LRRC4C: variants seen among roughly 807,000 people sequenced by gnomAD.
LRRC4C encodes leucine rich repeat containing 4C, also known as leucine-rich repeat-containing protein 4C.
LRRC4C carries 5 observed loss-of-function variants against 33.6 expected under a neutral mutation model. That is an observed-to-expected ratio of 0.15 (90% CI 0.08 to 0.31). The LOEUF is 0.31. LRRC4C is among the 10% of genes least tolerant of loss of function. The pLI is 1.00. For synonymous variants in LRRC4C, 329 were observed against 302.0 expected, an observed-to-expected ratio of 1.09 and a Z score of -0.93; for missense variants, 560 against 796.7, an observed-to-expected ratio of 0.70 and a Z score of 3.58.
chr11:40,526,235 G>C (rs1018347653), intron 3 of LRRC4C, among the ~76,000 whole-genome samples: 2 of 152,078 alleles, frequency 1.3e-5, no homozygotes, highest in African/African-American at 4.8e-5. Context: ...TGATAAATCA[G>C]ACTACATTAA....
intron 3 of LRRC4C, among the ~76,000 whole-genome samples, chr11:40,388,486 A>G (rs934859984): frequency 6.6e-6 from 1 of 152,110 alleles, no homozygotes; most frequent in Non-Finnish European, 1.5e-5. Flanking sequence ...GCCCTTCCCA[A>G]ACCTTACAAA....
intron 2 of LRRC4C, among the ~76,000 whole-genome samples, chr11:40,915,509 C>G (rs1956916252): frequency 6.6e-6 from 1 of 152,286 alleles, no homozygotes; most frequent in East Asian, 1.9e-4. Context: ...AAAGCTGAAA[C>G]TGGATCCCTT....
intron 3 of LRRC4C, among the ~76,000 whole-genome samples, chr11:40,560,530 T>A (rs1044251405): frequency 6.6e-6 from 1 of 152,094 alleles, no homozygotes; most frequent in Non-Finnish European, 1.5e-5. Context: ...TTTCCCACTT[T>A]ATTTGCGTGA....
chr11:41,072,794 T>C (rs1250745558), intron 1 of LRRC4C, among the ~76,000 whole-genome samples: 1 of 152,196 alleles, frequency 6.6e-6, no homozygotes, highest in Non-Finnish European at 1.5e-5. Flanking sequence ...CTCCACAGCC[T>C]CAATTTTTCT....
chr11:40,173,924 A>T (rs1860256420), intron 5 of LRRC4C, among the ~76,000 whole-genome samples: 1 of 152,132 alleles, frequency 6.6e-6, no homozygotes, highest in African/African-American at 2.4e-5. Flanking sequence ...TATTGTAGTT[A>T]AAAAAGTATA....
At chr11:40,463,224 G>C (rs180750643) in intron 3 of LRRC4C, among the ~76,000 whole-genome samples, 2 of 152,060 alleles carry the variant, frequency 1.3e-5, no homozygotes, top group East Asian at 3.9e-4. Flanking sequence ...TAGAGGCATA[G>C]AAGTACAGAA....
intron 2 of LRRC4C, among the ~76,000 whole-genome samples, chr11:40,674,369 C>T (rs933486488): frequency 6.6e-6 from 1 of 152,150 alleles, no homozygotes. Context: ...TTAGCCTTTC[C>T]TGCTTTGCAT....
chr11:40,881,877 G>T (rs754374929), intron 2 of LRRC4C, among the ~76,000 whole-genome samples: 8 of 151,906 alleles, frequency 5.3e-5, no homozygotes, highest in Non-Finnish European at 1.2e-4. Flanking sequence ...AAATCTTATT[G>T]AACATGAGCA....
At chr11:40,836,686 G>A (rs754341197) in intron 2 of LRRC4C, among the ~76,000 whole-genome samples, 12 of 152,086 alleles carry the variant, frequency 7.9e-5, no homozygotes, top group Non-Finnish European at 1.5e-4. Context: ...TTGACTCAAC[G>A]TCGATGTTTA....
At chr11:40,466,081 C>T (rs1185960136) in intron 3 of LRRC4C, among the ~76,000 whole-genome samples, 3 of 151,886 alleles carry the variant, frequency 2.0e-5, no homozygotes, top group Non-Finnish European at 4.4e-5. Context: ...TAATATTAGC[C>T]ATAAAAAAGA....
chr11:40,650,122 A>ATATCT (rs1466221153), intron 2 of LRRC4C, among the ~76,000 whole-genome samples: 6 of 152,194 alleles, frequency 3.9e-5, no homozygotes, highest in Non-Finnish European at 7.3e-5. Context: ...ATAGATAATG[A>ATATCT]ATTTCCTGTC....
intron 1 of LRRC4C, among the ~76,000 whole-genome samples, chr11:40,937,369 G>A (rs1957949794): frequency 6.6e-6 from 1 of 152,056 alleles, no homozygotes; most frequent in African/African-American, 2.4e-5. Context: ...CAGGTACTAT[G>A]CTAATTACCT....
intron 2 of LRRC4C, among the ~76,000 whole-genome samples, chr11:40,773,714 C>A (rs1330737990): frequency 6.6e-6 from 1 of 152,090 alleles, no homozygotes; most frequent in Admixed American, 6.5e-5. Flanking sequence ...AAAAACAGAA[C>A]ACTTTTTTAA....
At position 40,114,359 on chromosome 11, in the gene LRRC4C, C is replaced by T. The variant is rs766534674; in HGVS notation, c.*11G>A. On this transcript the variant is annotated 3_prime_UTR_variant, in exon 7 of 7. Transcript: ENST00000528697. Reference sequence around the variant, plus strand: ...TTTTGATTGTTTGTTTTTTGTAACTCTGTAAATGTTTTAGATTTGAGTCTC... The same window carrying T: ...TTTTGATTGTTTGTTTTTTGTAACTTTGTAAATGTTTTAGATTTGAGTCTC... 1 of 1,565,390 alleles carries T rather than the reference C, an allele frequency of 6.4e-7. No individual in the cohort carries two copies. Among genetic ancestry groups the T allele is most frequent in the Non-Finnish European group, 8.6e-7 (1 of 1,156,396 alleles).
chr11:40,585,026 G>T (rs1360143473), intron 3 of LRRC4C, among the ~76,000 whole-genome samples: 1 of 152,086 alleles, frequency 6.6e-6, no homozygotes, highest in Non-Finnish European at 1.5e-5. Flanking sequence ...TGACAGATGG[G>T]GATGGTTCTA....
chr11:41,324,243 C>T (rs1055218737), intron 1 of LRRC4C, among the ~76,000 whole-genome samples: 1 of 152,072 alleles, frequency 6.6e-6, no homozygotes, highest in East Asian at 1.9e-4. Flanking sequence ...CCAGCCTGAC[C>T]AACATGGAGA....
At chr11:40,488,383 A>G (rs1021714297) in intron 3 of LRRC4C, among the ~76,000 whole-genome samples, 5 of 151,988 alleles carry the variant, frequency 3.3e-5, no homozygotes, top group African/African-American at 9.7e-5. Flanking sequence ...TCTCTGGGCC[A>G]TTTGACCCTT....
At chr11:40,313,781 T>TC (rs1945440975) in intron 4 of LRRC4C, among the ~76,000 whole-genome samples, 1 of 150,858 alleles carries the variant, frequency 6.6e-6, no homozygotes, top group Non-Finnish European at 1.5e-5. Flanking sequence ...CTATTTTTTT[T>TC]TATTTTTAAT....
At chr11:40,870,903 A>G (rs959788476) in intron 2 of LRRC4C, among the ~76,000 whole-genome samples, 1 of 152,200 alleles carries the variant, frequency 6.6e-6, no homozygotes, top group African/African-American at 2.4e-5. Context: ...TCTTCTTTCA[A>G]AAGCAAATGG....
Sources: allele counts gnomAD v4.1 joint callset (sites outside exome capture counted in the v4.1 genomes callset), GRCh38; gene constraint gnomAD v4.1.1; transcripts MANE v1.5; gene names NCBI Gene and HGNC (gene_info 2026-07-23, HGNC 2026-07-21).